The following MYO5A variants were observed in gnomAD, a reference collection of about 807,000 sequenced individuals.
MYO5A encodes the protein unconventional myosin-Va.
A neutral mutation model predicts 249.7 loss-of-function variants in MYO5A; 98 were observed. That is an observed-to-expected ratio of 0.39 (90% CI 0.33 to 0.46). The LOEUF (loss-of-function observed/expected upper bound fraction) is 0.46, where lower values mean the gene tolerates loss of function less well. Among genes scored for constraint, MYO5A ranks in the 20% least tolerant of loss-of-function variants. The pLI is 0.98. For missense variants in MYO5A, 1,696 were observed against 2,308.8 expected (o/e 0.73, Z 5.44); for synonymous variants, 778 against 810.6 (o/e 0.96, Z 0.68).
At chr15:52,413,474 T>G (rs1567102830) in intron 5 of MYO5A, among the ~76,000 whole-genome samples, 1 of 152,190 alleles carries the variant, frequency 6.6e-6, no homozygotes, top group Non-Finnish European at 1.5e-5. Flanking sequence ...TAAAGAATAA[T>G]GTGCATATCT....
At chr15:52,366,568 A>G (rs2040815600) in intron 23 of MYO5A, among the ~76,000 whole-genome samples, 1 of 150,608 alleles carries the variant, frequency 6.6e-6, no homozygotes, top group Admixed American at 6.6e-5. Context: ...TATTTTAAAA[A>G]TTAGTGTTTT....
At chr15:52,351,172 G>T in intron 28 of MYO5A, 82 bp downstream of exon 28, 2 of 1,041,240 alleles carry the variant, frequency 1.9e-6, no homozygotes, top group Non-Finnish European at 3.0e-6. Flanking sequence ...AGTGTTTGCT[G>T]CATTATAAAC....
chr15:52,528,961 G>T, upstream of MYO5A: 1 of 455,256 alleles, frequency 2.2e-6, no homozygotes, highest in Non-Finnish European at 3.0e-6. Flanking sequence ...GGGCGGGGCG[G>T]GGCGCCTCAG....
chr15:52,463,111 A>C (rs934420411), intron 1 of MYO5A, among the ~76,000 whole-genome samples: 1 of 152,176 alleles, frequency 6.6e-6, no homozygotes, highest in African/African-American at 2.4e-5. Flanking sequence ...GAACTAAAGG[A>C]CATTTTTTCT....
chr15:52,443,532 G>A (rs1455248126), intron 1 of MYO5A, among the ~76,000 whole-genome samples: 1 of 151,820 alleles, frequency 6.6e-6, no homozygotes, highest in Non-Finnish European at 1.5e-5. Context: ...CCAACATGGA[G>A]AAACCCCGTC....
intron 11 of MYO5A, among the ~76,000 whole-genome samples, chr15:52,393,286 G>A (rs2414148): frequency 0.15 from 23,057 of 152,040 alleles, 1,844 homozygotes; most frequent in Middle Eastern, 0.22. Flanking sequence ...TGAAACTTAC[G>A]TGCCACAAGA....
At chr15:52,472,812 T>C (rs983012819) in intron 1 of MYO5A, among the ~76,000 whole-genome samples, 3 of 152,238 alleles carry the variant, frequency 2.0e-5, no homozygotes, top group South Asian at 4.1e-4. Flanking sequence ...TTTGGGTTGG[T>C]TCCAAGTCTT....
intron 2 of MYO5A, among the ~76,000 whole-genome samples, chr15:52,429,277 G>A (rs1299302511): frequency 6.6e-6 from 1 of 152,152 alleles, no homozygotes; most frequent in Non-Finnish European, 1.5e-5. Flanking sequence ...ATTTAGGCCG[G>A]ACACAGTGGC....
intron 1 of MYO5A, among the ~76,000 whole-genome samples, chr15:52,475,349 C>T (rs1873740367): frequency 6.6e-6 from 1 of 152,130 alleles, no homozygotes; most frequent in Non-Finnish European, 1.5e-5. Flanking sequence ...GTCCTGGATT[C>T]ATTGATTTTT....
intron 5 of MYO5A, among the ~76,000 whole-genome samples, chr15:52,412,651 T>C (rs2043299962): frequency 6.6e-6 from 1 of 152,146 alleles, no homozygotes; most frequent in Non-Finnish European, 1.5e-5. Flanking sequence ...CTCCCTCAAT[T>C]GTTGCCTCTG....
rs767489423 is a variant in MYO5A at position 52,397,487 on chromosome 15, A to T, written c.1054-21T>A. Reference sequence around the variant, plus strand: ...TTGGGCTGCCAAAAGATAATGAGTTATTTCCTATGACCAGATAAATCAAGT... The same window carrying T: ...TTGGGCTGCCAAAAGATAATGAGTTTTTTCCTATGACCAGATAAATCAAGT... On this transcript the variant is annotated intron_variant, in intron 9 of 41. Coordinates refer to ENST00000399233, the MANE Select transcript of MYO5A (RefSeq NM_001382347.1). 2.5e-6 allele frequency: 4 copies of T among 1,611,996 alleles called. No individual in the cohort carries two copies. The African/African-American group carries it at 4.0e-5, about 16-fold the overall frequency.
rs1454092700 is a variant in MYO5A, at chr15:52,509,669, C to A, written c.27+19111G>T. ...GTAAATAAGCCAATAAAATAGGGGC[C>A]ATTTTTAGATTCTGACAAGCCAAAG... On this transcript the variant is annotated intron_variant, in intron 1 of 41. Coordinates refer to ENST00000399233, the MANE Select transcript of MYO5A (RefSeq NM_001382347.1). 2.6e-5 allele frequency among the ~76,000 whole-genome samples: 4 copies of A among 152,142 alleles called. No individual in the cohort carries two copies. In the East Asian group the frequency reaches 7.7e-4, roughly 29 times the overall value.
chr15:52,433,260 G>A lies in MYO5A; in HGVS notation c.53C>T (p.Pro18Leu), dbSNP rs753155018. ...CTCTGCTGACTTCCAGACTTCCTCTGGATCAGGTATCCAAACCCTGGCAAA... is the reference window on the plus strand; with the variant it reads ...CTCTGCTGACTTCCAGACTTCCTCTAGATCAGGTATCCAAACCCTGGCAAA... Reference protein sequence around the residue: ...TKFARVWIPDPEEVWKSAELL... With the variant: ...TKFARVWIPDLEEVWKSAELL... Residue 18 changes from proline (P) to leucine (L), a missense_variant, in exon 2 of 42, where the codon CCA becomes CTA. Pro to Leu is a moderately conservative substitution (Grantham distance 98). Around this residue, in one of 5 missense-constraint regions of MYO5A, gnomAD observed 197 missense variants for 320.3 expected, o/e 0.62. Coordinates refer to ENST00000399233, the MANE Select transcript of MYO5A (RefSeq NM_001382347.1). The A allele has an allele frequency of 6.2e-7, 1 of 1,613,476 alleles. No individual in the cohort carries two copies. The highest frequency in any genetic ancestry group is 1.7e-5 in the Admixed American group (1 of 59,986).
chr15:52,416,051 C>T (rs1002942169), intron 5 of MYO5A, 94 bp downstream of exon 5: 1 of 1,446,714 alleles, frequency 6.9e-7, no homozygotes. Flanking sequence ...GCTGGAGACC[C>T]CAGGCTTTCT....
intron 40 of MYO5A, among the ~76,000 whole-genome samples, chr15:52,316,248 A>G (rs2038009822): frequency 6.6e-6 from 1 of 151,360 alleles, no homozygotes; most frequent in South Asian, 2.1e-4. Context: ...AAAAAAAAAA[A>G]AAAAAAAAAA....
chr15:52,513,115 C>A (rs536151577), intron 1 of MYO5A, among the ~76,000 whole-genome samples: 1 of 148,924 alleles, frequency 6.7e-6, no homozygotes, highest in Non-Finnish European at 1.5e-5. Flanking sequence ...AGAAAAAGAT[C>A]GTAAGTCTTA....
intron 1 of MYO5A, among the ~76,000 whole-genome samples, chr15:52,470,658 A>G (rs528178611): frequency 1.6e-4 from 24 of 152,084 alleles, no homozygotes; most frequent in Middle Eastern, 3.4e-3. Flanking sequence ...CCCCCCTCAA[A>G]AAAAGGCCAT....
chr15:52,358,593 C>T (rs1055504053), intron 25 of MYO5A, among the ~76,000 whole-genome samples: 5 of 152,100 alleles, frequency 3.3e-5, no homozygotes, highest in African/African-American at 1.2e-4. Flanking sequence ...CTCTAAGAGG[C>T]CTGGCATCTT....
chr15:52,341,475 G>A (rs2039381681), intron 31 of MYO5A, among the ~76,000 whole-genome samples: 1 of 152,190 alleles, frequency 6.6e-6, no homozygotes, highest in Admixed American at 6.5e-5. Flanking sequence ...GAACACCAGA[G>A]TCAGAGCATC....
Sources: allele counts gnomAD v4.1 joint callset (sites outside exome capture counted in the v4.1 genomes callset), GRCh38; gene constraint gnomAD v4.1.1; regional missense constraint gnomAD v4.1.1; transcripts MANE v1.5; gene names NCBI Gene and HGNC (gene_info 2026-07-23, HGNC 2026-07-21).